Variants in DMRT1 observed in about 807,000 individuals in gnomAD.
DMRT1 encodes the protein doublesex- and mab-3-related transcription factor 1.
A neutral mutation model predicts 32.3 loss-of-function variants in DMRT1; 7 were observed. The ratio of observed to expected loss-of-function variants is 0.22; its 90% CI spans 0.12 to 0.41. DMRT1 has a LOEUF of 0.41. DMRT1 is among the 10% of genes least tolerant of loss of function. The pLI is 1.00. For synonymous variants in DMRT1, 278 were observed against 206.1 expected, an observed-to-expected ratio of 1.35 and a Z score of -2.99; for missense variants, 625 against 500.5, an observed-to-expected ratio of 1.25 and a Z score of -2.37.
chr9:854,772 C>CA (rs1815316971), intron 2 of DMRT1, among the ~76,000 whole-genome samples: 1 of 100,446 alleles, frequency 1.0e-5, no homozygotes, highest in South Asian at 3.6e-4. Context: ...AACAAAACTC[C>CA]TTTTTTTTTT....
chr9:919,718 G>A (rs1053737021), intron 4 of DMRT1, among the ~76,000 whole-genome samples: 5 of 152,156 alleles, frequency 3.3e-5, no homozygotes, highest in African/African-American at 1.2e-4. Flanking sequence ...AGACTATAGG[G>A]ATGCAAGGGT....
intron 2 of DMRT1, among the ~76,000 whole-genome samples, chr9:872,340 C>T (rs528433856): frequency 6.6e-5 from 10 of 152,324 alleles, no homozygotes; most frequent in African/African-American, 2.2e-4. Context: ...GGATTACAGG[C>T]GTGAGCCAGT....
intron 2 of DMRT1, among the ~76,000 whole-genome samples, chr9:872,693 A>G (rs1433676281): frequency 3.3e-5 from 5 of 152,224 alleles, no homozygotes; most frequent in South Asian, 4.1e-4. Flanking sequence ...ATTTTATTGT[A>G]TGAATATACA....
chr9:901,855 C>T (rs139230021), intron 3 of DMRT1, among the ~76,000 whole-genome samples: 76 of 151,848 alleles, frequency 5.0e-4, no homozygotes, highest in African/African-American at 1.6e-3. Context: ...AACACCCTCA[C>T]TCCAAGGCTG....
At chr9:866,717 T>G (rs921459862) in intron 2 of DMRT1, among the ~76,000 whole-genome samples, 1 of 152,084 alleles carries the variant, frequency 6.6e-6, no homozygotes, top group East Asian at 1.9e-4. Flanking sequence ...TTTAGTGAGT[T>G]TGAGATGTGT....
intron 2 of DMRT1, among the ~76,000 whole-genome samples, chr9:875,755 C>T (rs764288214): frequency 4.4e-4 from 66 of 150,520 alleles, no homozygotes; most frequent in Admixed American, 3.3e-3. Context: ...TTTTGAGACA[C>T]GTGCATGTGT....
chr9:936,462 C>G (rs543258811), intron 4 of DMRT1, among the ~76,000 whole-genome samples: 115 of 152,130 alleles, frequency 7.6e-4, no homozygotes, highest in African/African-American at 2.7e-3. Flanking sequence ...TTAATAATGT[C>G]TTCTTCAGGC....
chr9:929,106 T>C (rs1354566225), intron 4 of DMRT1, among the ~76,000 whole-genome samples: 1 of 152,082 alleles, frequency 6.6e-6, no homozygotes, highest in Non-Finnish European at 1.5e-5. Flanking sequence ...CCTAAAGTGT[T>C]AGGATTACAG....
chr9:941,338 C>CA lies in DMRT1; in HGVS notation c.967+24431_967+24432insA, dbSNP rs532878506. On this transcript the variant is annotated intron_variant, in intron 4 of 4. Coordinates refer to ENST00000382276, the MANE Select transcript of DMRT1 (RefSeq NM_021951.3). ...GCGCACACACACCCCCTCCCCCCCCCCACACATATGCAATGGAATATTAAA... is the reference window on the plus strand; with the variant it reads ...GCGCACACACACCCCCTCCCCCCCCCACACACATATGCAATGGAATATTAAA... Among the ~76,000 whole-genome samples the CA allele has an allele frequency of 8.1e-5, 11 of 135,606 alleles. No individual in the cohort carries two copies. In the East Asian group the frequency reaches 1.1e-3, roughly 13 times the overall value. 89.0% of individuals were successfully genotyped at this position (135,606 alleles called of 152,430 possible).
chr9:931,125 T>C (rs1818712097), intron 4 of DMRT1, among the ~76,000 whole-genome samples: 1 of 152,220 alleles, frequency 6.6e-6, no homozygotes, highest in African/African-American at 2.4e-5. Flanking sequence ...ATGTGGTCTT[T>C]TGTGTCCGAC....
chr9:929,388 T>A (rs906753494), intron 4 of DMRT1, among the ~76,000 whole-genome samples: 3 of 152,164 alleles, frequency 2.0e-5, no homozygotes, highest in African/African-American at 7.2e-5. Context: ...TGCCTTAGCC[T>A]CCAGAGTATC....
At chr9:857,705 C>G (rs1172205070) in intron 2 of DMRT1, among the ~76,000 whole-genome samples, 1 of 151,438 alleles carries the variant, frequency 6.6e-6, no homozygotes, top group Non-Finnish European at 1.5e-5. Flanking sequence ...ATACATGTGC[C>G]ATGTTGGTGT....
chr9:956,563 CAAA>C (rs199499677), intron 4 of DMRT1, among the ~76,000 whole-genome samples: 11,049 of 84,196 alleles, frequency 0.13, 562 homozygotes, highest in South Asian at 0.33. Context: ...GACCCTGTCT[CAAA>C]AAAAAAAAAA....
intron 4 of DMRT1, among the ~76,000 whole-genome samples, chr9:964,902 C>T (rs368795635): frequency 6.6e-6 from 1 of 152,194 alleles, no homozygotes; most frequent in African/African-American, 2.4e-5. Flanking sequence ...GTGCCACTGA[C>T]GCTAGGAGTT....
intron 3 of DMRT1, among the ~76,000 whole-genome samples, chr9:902,422 C>T (rs1012154026): frequency 6.6e-6 from 1 of 151,496 alleles, no homozygotes; most frequent in Non-Finnish European, 1.5e-5. Flanking sequence ...AGTGTGCTCC[C>T]TTTAGCAATT....
intron 1 of DMRT1, among the ~76,000 whole-genome samples, chr9:843,767 G>A (rs1589438139): frequency 6.6e-6 from 1 of 152,180 alleles, no homozygotes. Flanking sequence ...ATCCTCCATT[G>A]AAAACAAATG....
intron 2 of DMRT1, among the ~76,000 whole-genome samples, chr9:849,494 T>C (rs1012094381): frequency 1.7e-4 from 26 of 152,178 alleles, no homozygotes; most frequent in Admixed American, 1.2e-3. Flanking sequence ...TTATAAACCC[T>C]AAGATAGTGG....
At chr9:862,286 G>T (rs937737106) in intron 2 of DMRT1, among the ~76,000 whole-genome samples, 35 of 152,162 alleles carry the variant, frequency 2.3e-4, no homozygotes, top group Non-Finnish European at 4.1e-4. Context: ...GACCACTCGC[G>T]GTCAGGAGCT....
chr9:852,030 C>A (rs570823848), intron 2 of DMRT1, among the ~76,000 whole-genome samples: 2 of 151,784 alleles, frequency 1.3e-5, no homozygotes, highest in East Asian at 3.9e-4. Context: ...ACCTCTGCCT[C>A]CTGGGTTCAA....
Sources: gnomAD v4.1 joint callset for allele counts (sites outside exome capture counted in the v4.1 genomes callset) on GRCh38, gnomAD v4.1.1 for gene constraint, MANE v1.5 for transcripts, NCBI Gene and HGNC (gene_info 2026-07-23, HGNC 2026-07-21) for gene names.